SEMA3A: variants seen among roughly 807,000 people sequenced by gnomAD.
SEMA3A encodes semaphorin-3A.
SEMA3A carries 29 observed loss-of-function variants against 97.9 expected under a neutral mutation model. That is an observed-to-expected ratio of 0.30 (90% confidence interval 0.22 to 0.40). The LOEUF (loss-of-function observed/expected upper bound fraction) is 0.40. Ranked by LOEUF, SEMA3A falls within the 10% of genes least tolerant of loss-of-function variation. The pLI is 1.00. For missense variants in SEMA3A, 763 were observed against 951.3 expected (o/e 0.80, Z 2.60); for synonymous variants, 321 against 323.7 (o/e 0.99, Z 0.09).
At chr7:84,248,610 A>T (rs183632512) in intron 3 of SEMA3A, among the ~76,000 whole-genome samples, 1 of 152,072 alleles carries the variant, frequency 6.6e-6, no homozygotes, top group Non-Finnish European at 1.5e-5. Context: ...ATTATCTATG[A>T]GTTAAAATAT....
intron 1 of SEMA3A, among the ~76,000 whole-genome samples, chr7:84,188,858 T>C (rs570561527): frequency 1.8e-4 from 28 of 152,070 alleles, no homozygotes; most frequent in African/African-American, 6.5e-4. Flanking sequence ...CACATCAATA[T>C]CTTTAGCAAA....
chr7:84,186,723 A>C (rs1797898463), intron 1 of SEMA3A, among the ~76,000 whole-genome samples: 1 of 152,014 alleles, frequency 6.6e-6, no homozygotes, highest in South Asian at 2.1e-4. Flanking sequence ...TTTCCTGGCA[A>C]TATTTCTACC....
In SEMA3A at chr7:84,153,529, T is replaced by C. The variant is rs144083507; in HGVS notation, c.113-18578A>G. 1.9e-4 allele frequency among the ~76,000 whole-genome samples: 29 copies of C among 152,228 alleles called. No individual in the cohort carries two copies. In the East Asian group the frequency reaches 5.4e-3, roughly 28 times the overall value. ...TTCCCCCAAAGGAAACAGCGTAAAATATGAAAAGATGCATGTTTTAATCTC... is the reference window on the plus strand; with the variant it reads ...TTCCCCCAAAGGAAACAGCGTAAAACATGAAAAGATGCATGTTTTAATCTC... On this transcript the variant is annotated intron_variant, in intron 1 of 16. Coordinates refer to ENST00000265362, the MANE Select transcript of SEMA3A (RefSeq NM_006080.3).
At chr7:84,095,358 CATATATAT>C (rs200107086) in intron 4 of SEMA3A, among the ~76,000 whole-genome samples, 40 of 122,888 alleles carry the variant, frequency 3.3e-4, no homozygotes, top group South Asian at 5.2e-4. Context: ...TTTTTATATA[CATATATAT>C]ATATATATAT....
At chr7:83,978,041 G>T (rs1789236899) in intron 14 of SEMA3A, among the ~76,000 whole-genome samples, 1 of 152,008 alleles carries the variant, frequency 6.6e-6, no homozygotes, top group South Asian at 2.1e-4. Flanking sequence ...CTGACCTTGT[G>T]ATCCGCCCTC....
intron 6 of SEMA3A, among the ~76,000 whole-genome samples, chr7:84,015,238 G>A (rs10236901): frequency 0.014 from 1,965 of 139,042 alleles, 44 homozygotes; most frequent in African/African-American, 0.051. Context: ...TGAAATATAC[G>A]TTCCATGAGA....
chr7:84,447,580 C>T (rs78632184), intron 1 of SEMA3A, among the ~76,000 whole-genome samples: 4 of 152,138 alleles, frequency 2.6e-5, no homozygotes, highest in African/African-American at 7.2e-5. Context: ...ATACCCACTT[C>T]GGGGTTTCCT....
At chr7:84,294,916 C>T (rs578064879) in intron 3 of SEMA3A, among the ~76,000 whole-genome samples, 31 of 152,116 alleles carry the variant, frequency 2.0e-4, no homozygotes, top group African/African-American at 6.0e-4. Flanking sequence ...CTGGAGGTAA[C>T]AATAGGTCAG....
chr7:84,210,714 G>GT (rs1269922194), intron 3 of SEMA3A, among the ~76,000 whole-genome samples: 2 of 151,696 alleles, frequency 1.3e-5, no homozygotes, highest in Admixed American at 6.6e-5. Context: ...GGCTATGCAG[G>GT]TTTTCTCTTT....
chr7:84,218,650 C>T (rs1185927658), intron 3 of SEMA3A, among the ~76,000 whole-genome samples: 1 of 152,068 alleles, frequency 6.6e-6, no homozygotes, highest in African/African-American at 2.4e-5. Flanking sequence ...AGATGAATGA[C>T]ATTTTTTCTT....
Position 84,412,291 on chromosome 7 carries a change from C to T in SEMA3A, c.-245-40391G>A, listed in dbSNP as rs1484783005. ...GCCAATTGCACAGCACATTCTTCTC[C>T]ATTCATCCCCAGCTGCATCTCTAAT... On this transcript the variant is annotated intron_variant, in intron 1 of 3. Transcript: ENST00000424555. Among the ~76,000 whole-genome samples, 6 of 152,254 alleles carry T rather than the reference C, an allele frequency of 3.9e-5. No individual in the cohort carries two copies. The South Asian group carries it at 6.2e-4, about 16-fold the overall frequency.
At chr7:84,249,003 G>A (rs986781753) in intron 3 of SEMA3A, among the ~76,000 whole-genome samples, 2 of 152,152 alleles carry the variant, frequency 1.3e-5, no homozygotes, top group Admixed American at 6.5e-5. Context: ...TGAGAGTCAT[G>A]GGTGTATCTA....
intron 4 of SEMA3A, among the ~76,000 whole-genome samples, chr7:84,106,582 T>C (rs1562786422): frequency 6.6e-6 from 1 of 152,212 alleles, no homozygotes; most frequent in Admixed American, 6.5e-5. Flanking sequence ...TTTTCATAAC[T>C]AGAAGACGAA....
intron 2 of SEMA3A, among the ~76,000 whole-genome samples, chr7:84,323,211 AAACTAAT>A (rs1801693349): frequency 6.6e-6 from 1 of 152,214 alleles, no homozygotes; most frequent in Non-Finnish European, 1.5e-5. Flanking sequence ...GACTTTAATT[AAACTAAT>A]TGTGCGTTTT....
intron 4 of SEMA3A, among the ~76,000 whole-genome samples, chr7:84,086,204 C>T (rs1266270021): frequency 6.6e-6 from 1 of 151,814 alleles, no homozygotes; most frequent in South Asian, 2.1e-4. Context: ...AGCACTCTCC[C>T]TGGTACATGC....
At chr7:84,002,161 T>C (rs751020742) in intron 11 of SEMA3A, 115 bp from the exon 12 acceptor site, 45 of 593,288 alleles carry the variant, frequency 7.6e-5, no homozygotes, top group Non-Finnish European at 1.3e-4. Context: ...GGTCTTCCTT[T>C]TAATTCATTT....
At chr7:84,358,116 G>A (rs568712452) in intron 2 of SEMA3A, among the ~76,000 whole-genome samples, 3 of 152,186 alleles carry the variant, frequency 2.0e-5, no homozygotes, top group African/African-American at 4.8e-5. Flanking sequence ...AGTTTATTTT[G>A]CTATGCAGAA....
intron 15 of SEMA3A, among the ~76,000 whole-genome samples, chr7:83,967,177 C>T (rs1478365617): frequency 2.0e-5 from 3 of 152,068 alleles, no homozygotes; most frequent in Non-Finnish European, 4.4e-5. Context: ...CTGTTAATTT[C>T]CCCTAACCTG....
chr7:84,482,619 CAGCCCAAGT>C (rs1806475973), intron 1 of SEMA3A, among the ~76,000 whole-genome samples: 1 of 152,134 alleles, frequency 6.6e-6, no homozygotes, highest in Admixed American at 6.6e-5. Context: ...CCCTATAGAA[CAGCCCAAGT>C]ACCCACCACA....
Sources: gnomAD v4.1 joint callset for allele counts (sites outside exome capture counted in the v4.1 genomes callset) on GRCh38, gnomAD v4.1.1 for gene constraint, MANE v1.5 for transcripts, NCBI Gene and HGNC (gene_info 2026-07-23, HGNC 2026-07-21) for gene names.